UNC13C: variants seen among roughly 807,000 people sequenced by gnomAD.
The protein encoded by UNC13C is unc-13 homolog C, also known as protein unc-13 homolog C.
In UNC13C, 174 loss-of-function variants were observed where a neutral mutation model predicts 245.4. The observed-to-expected ratio is 0.71, with a 90% CI of 0.63 to 0.80. The LOEUF (loss-of-function observed/expected upper bound fraction) is 0.80, where lower values mean the gene tolerates loss of function less well. Among genes scored for constraint, UNC13C ranks in the 30% least tolerant of loss-of-function variants. UNC13C has a pLI of 0.00. For synonymous variants in UNC13C, 992 were observed against 895.1 expected, an observed-to-expected ratio of 1.11 and a Z score of -1.93; for missense variants, 2,829 against 2,602.9, an observed-to-expected ratio of 1.09 and a Z score of -1.89.
chr15:54,376,757 G>T (rs2039616147), intron 17 of UNC13C, among the ~76,000 whole-genome samples: 1 of 152,188 alleles, frequency 6.6e-6, no homozygotes, highest in Non-Finnish European at 1.5e-5. Flanking sequence ...AGAACCCATT[G>T]AAAACCACAT....
chr15:54,004,425 G>A (rs977870297), intron 1 of UNC13C, among the ~76,000 whole-genome samples: 2 of 152,142 alleles, frequency 1.3e-5, no homozygotes, highest in Non-Finnish European at 2.9e-5. Flanking sequence ...GGACACTTAG[G>A]TTGCTTCCAA....
intron 2 of UNC13C, among the ~76,000 whole-genome samples, chr15:54,123,112 T>A (rs1042118866): frequency 6.6e-6 from 1 of 151,974 alleles, no homozygotes; most frequent in South Asian, 2.1e-4. Flanking sequence ...ACTCTTATTA[T>A]TGTCAGTCTT....
At chr15:53,947,721 G>T in the UNC13C span, 1 of 152,182 alleles carries the variant, frequency 6.6e-6, no homozygotes, top group Non-Finnish European at 1.5e-5. Flanking sequence ...GGCTCTCATT[G>T]AATTTCTACT....
At chr15:53,946,324 GA>G in the UNC13C span, among the ~76,000 whole-genome samples, 1 of 152,030 alleles carries the variant, frequency 6.6e-6, no homozygotes, top group African/African-American at 2.4e-5. Context: ...TTTTCAAGGG[GA>G]ATGCTTCCAG....
At chr15:54,631,414 T>C (rs193095267), downstream of UNC13C, 2 of 152,238 alleles carry the variant, frequency 1.3e-5, no homozygotes, top group Non-Finnish European at 2.9e-5. Flanking sequence ...TTCTGTGTTA[T>C]GACAAATGCG....
chr15:53,861,748 A>C, the UNC13C span, among the ~76,000 whole-genome samples: 1 of 152,182 alleles, frequency 6.6e-6, no homozygotes, highest in Admixed American at 6.6e-5. Context: ...GGCCTTCATT[A>C]CCTCTCCAGA....
At chr15:54,422,958 TACACACACAC>T (rs35647420) in intron 19 of UNC13C, among the ~76,000 whole-genome samples, 6 of 146,002 alleles carry the variant, frequency 4.1e-5, no homozygotes, top group Non-Finnish European at 9.1e-5. Flanking sequence ...AGCAATATAG[TACACACACAC>T]ACACACACAC....
downstream of UNC13C, chr15:54,629,923 G>C (rs1159944962): frequency 6.6e-6 from 1 of 151,878 alleles, no homozygotes; most frequent in African/African-American, 2.4e-5. Flanking sequence ...TACTAATTTT[G>C]AAATGATTAT....
intron 4 of UNC13C, among the ~76,000 whole-genome samples, chr15:54,228,474 C>T (rs1313569754): frequency 1.3e-5 from 2 of 152,108 alleles, no homozygotes; most frequent in East Asian, 3.9e-4. Flanking sequence ...ACACCAAAGC[C>T]AGCATGTCTC....
At chr15:54,247,539 A>G (rs1039518823) in intron 7 of UNC13C, among the ~76,000 whole-genome samples, 6 of 152,084 alleles carry the variant, frequency 3.9e-5, no homozygotes, top group Admixed American at 2.6e-4. Flanking sequence ...TTTCAGAGTA[A>G]TTTTCAGCTT....
rs546662330 is a variant in UNC13C, at chr15:54,459,969, C to T, written c.4934-34639C>T. Among the ~76,000 whole-genome samples the T allele has an allele frequency of 3.3e-5, 5 of 152,262 alleles. No homozygotes were observed. The South Asian group carries it at 1.0e-3, about 32-fold the overall frequency. Reference sequence around the variant, plus strand: ...GTGATATTTTCTGAGTGTTATAGAACCATGTTTATTCATATTACCAGAATT... The same window carrying T: ...GTGATATTTTCTGAGTGTTATAGAATCATGTTTATTCATATTACCAGAATT... On this transcript the variant is annotated intron_variant, in intron 19 of 32. Transcript: ENST00000260323.
chr15:54,584,501 A>G (rs1006654905), intron 30 of UNC13C, among the ~76,000 whole-genome samples: 9 of 152,242 alleles, frequency 5.9e-5, no homozygotes, highest in South Asian at 4.1e-4. Flanking sequence ...TGTGAGTGCC[A>G]TGTCCTACAT....
chr15:54,461,982 C>A lies in UNC13C; in HGVS notation c.4934-32626C>A, dbSNP rs530866706. Among the ~76,000 whole-genome samples, 28 of 152,260 alleles carry A rather than the reference C, an allele frequency of 1.8e-4. No homozygotes were observed. In the South Asian group the frequency reaches 3.7e-3, roughly 20 times the overall value. Reference sequence around the variant, plus strand: ...TGGTCTTACCTTCAAGTGATGACCACAAACCTTTTGAGTTTTGTGGCCATC... The same window carrying A: ...TGGTCTTACCTTCAAGTGATGACCAAAAACCTTTTGAGTTTTGTGGCCATC... On this transcript the variant is annotated intron_variant, in intron 19 of 32. Coordinates refer to ENST00000260323, the MANE Select transcript of UNC13C (RefSeq NM_001080534.3).
chr15:54,149,888 G>T (rs1392995769), intron 4 of UNC13C, among the ~76,000 whole-genome samples: 2 of 152,198 alleles, frequency 1.3e-5, no homozygotes, highest in African/African-American at 4.8e-5. Flanking sequence ...ATTTGGTCAT[G>T]TAAGTAACCT....
At chr15:54,499,731 G>A (rs1894113381) in intron 20 of UNC13C, among the ~76,000 whole-genome samples, 1 of 152,082 alleles carries the variant, frequency 6.6e-6, no homozygotes, top group African/African-American at 2.4e-5. Context: ...GAAGCTATAT[G>A]GCAAAGAATT....
intron 2 of UNC13C, among the ~76,000 whole-genome samples, chr15:54,141,258 G>A (rs1175038141): frequency 6.6e-6 from 1 of 151,992 alleles, no homozygotes; most frequent in Admixed American, 6.6e-5. Context: ...GATTTTGCAT[G>A]TTTTGATTAC....
At chr15:54,398,298 T>A (rs1293531108) in intron 18 of UNC13C, among the ~76,000 whole-genome samples, 1 of 151,426 alleles carries the variant, frequency 6.6e-6, no homozygotes, top group East Asian at 1.9e-4. Context: ...CCTGGAACAA[T>A]CTCCACATGG....
chr15:54,169,930 G>C (rs7165763), intron 4 of UNC13C, among the ~76,000 whole-genome samples: 2,569 of 150,456 alleles, frequency 0.017, 87 homozygotes, highest in African/African-American at 0.059. Context: ...TAATGCATTT[G>C]ATATCTATCT....
At chr15:53,927,313 G>A in the UNC13C span, among the ~76,000 whole-genome samples, 2 of 152,160 alleles carry the variant, frequency 1.3e-5, no homozygotes, top group Admixed American at 1.3e-4. Flanking sequence ...TGCTATGCAG[G>A]GAATGGACTG....
Sources: allele counts gnomAD v4.1 joint callset (sites outside exome capture counted in the v4.1 genomes callset), GRCh38; gene constraint gnomAD v4.1.1; transcripts MANE v1.5; gene names NCBI Gene and HGNC (gene_info 2026-07-23, HGNC 2026-07-21).